TCF4: variants seen among roughly 807,000 people sequenced by gnomAD.
TCF4 encodes SL3-3 enhancer factor 2.
Under a neutral mutation model 82.1 loss-of-function variants are expected in TCF4, and 3 were observed. That is an observed-to-expected ratio of 0.04 (90% CI 0.02 to 0.09). The LOEUF (loss-of-function observed/expected upper bound fraction) is 0.09. Ranked by LOEUF, TCF4 falls within the 10% of genes least tolerant of loss-of-function variation. The pLI, the probability that TCF4 is intolerant of heterozygous loss-of-function variation, is 1.00. For synonymous variants in TCF4, 276 were observed against 309.6 expected (o/e 0.89, Z 1.14); for missense variants, 518 against 852.7 (o/e 0.61, Z 4.89).
chr18:55,442,105 TG>T (rs1265870120), intron 5 of TCF4, among the ~76,000 whole-genome samples: 7 of 152,200 alleles, frequency 4.6e-5, no homozygotes, highest in African/African-American at 1.7e-4. Context: ...ATGAACAATG[TG>T]CAAAATAGTC....
intron 3 of TCF4, among the ~76,000 whole-genome samples, chr18:55,584,654 A>G (rs2147837037): frequency 6.6e-6 from 1 of 152,248 alleles, no homozygotes; most frequent in African/African-American, 2.4e-5. Context: ...ATAAAACGTA[A>G]AAGTCCTTCC....
chr18:55,626,709 A>G (rs2097726839), intron 2 of TCF4, among the ~76,000 whole-genome samples: 1 of 152,222 alleles, frequency 6.6e-6, no homozygotes, highest in Non-Finnish European at 1.5e-5. Flanking sequence ...AATTTCAACA[A>G]GATATCTCTA....
At chr18:55,454,090 T>C (rs1248263750) in intron 5 of TCF4, among the ~76,000 whole-genome samples, 1 of 152,114 alleles carries the variant, frequency 6.6e-6, no homozygotes, top group Non-Finnish European at 1.5e-5. Flanking sequence ...CTCAAACACT[T>C]GGGCTCGAGC....
chr18:55,350,350 A>T lies in TCF4; in HGVS notation c.549+9T>A. ...AGCAATATACAAAGCAGAAACAAGC[A>T]GTACTTACTGAAGATGGCAAACCTG... is the stretch of plus-strand genomic sequence containing the variant. On this transcript the variant is annotated intron_variant, in intron 8 of 19. Transcript: ENST00000354452. 6.2e-7 allele frequency: 1 copy of T among 1,613,226 alleles called. No homozygotes were observed. Among genetic ancestry groups the T allele is most frequent in the South Asian group, 1.1e-5 (1 of 91,074 alleles).
At chr18:55,575,237 TAAGAG>T (rs1161735708) in intron 3 of TCF4, among the ~76,000 whole-genome samples, 1 of 152,176 alleles carries the variant, frequency 6.6e-6, no homozygotes, top group Non-Finnish European at 1.5e-5. Flanking sequence ...ACAGTGGCCA[TAAGAG>T]AACAGAAAAG....
At chr18:55,417,192 T>C (rs1454261249) in intron 5 of TCF4, among the ~76,000 whole-genome samples, 2 of 152,190 alleles carry the variant, frequency 1.3e-5, no homozygotes, top group Non-Finnish European at 2.9e-5. Flanking sequence ...CTGAATCCCT[T>C]TGATGAGACC....
chr18:55,492,102 T>A (rs1317371000), intron 3 of TCF4: 1 of 152,146 alleles, frequency 6.6e-6, no homozygotes, highest in Non-Finnish European at 1.5e-5. Context: ...TAGGGACCGG[T>A]TCCCCTTTAT....
chr18:55,559,885 A>G (rs2097339902), intron 3 of TCF4, among the ~76,000 whole-genome samples: 1 of 152,168 alleles, frequency 6.6e-6, no homozygotes, highest in Non-Finnish European at 1.5e-5. Flanking sequence ...TCCTGAAGCA[A>G]GAAAAAGAAG....
intron 3 of TCF4, among the ~76,000 whole-genome samples, chr18:55,565,996 C>T (rs1258505011): frequency 6.8e-6 from 1 of 147,804 alleles, no homozygotes; most frequent in African/African-American, 2.5e-5. Context: ...GTCAGGAGAT[C>T]GAGACCATCC....
chr18:55,350,790 G>C lies in TCF4; in HGVS notation c.499+84C>G, dbSNP rs899773577. On this transcript the variant is annotated intron_variant, in intron 7 of 19. Transcript: ENST00000354452. ...GTTTTCTTGGGGTGGGAGGTAGGAT[G>C]GGGGGGCGATATTTTAAAGAAAGAA... The C allele has an allele frequency of 1.7e-5, 27 of 1,583,484 alleles. No homozygotes were observed. In the Middle Eastern group the frequency reaches 5.5e-4, roughly 32 times the overall value.
intron 5 of TCF4, among the ~76,000 whole-genome samples, chr18:55,437,547 A>C (rs1349146457): frequency 6.6e-6 from 1 of 152,214 alleles, no homozygotes; most frequent in East Asian, 1.9e-4. Flanking sequence ...ACTTTTCCTG[A>C]GTGAAAAAGG....
chr18:55,570,675 A>G (rs1224343707), intron 3 of TCF4, among the ~76,000 whole-genome samples: 2 of 152,086 alleles, frequency 1.3e-5, no homozygotes, highest in Non-Finnish European at 2.9e-5. Context: ...TGAGCTCAGA[A>G]GTTCGAGACC....
chr18:55,597,192 A>T (rs755867330), intron 2 of TCF4, among the ~76,000 whole-genome samples: 1 of 152,130 alleles, frequency 6.6e-6, no homozygotes, highest in Non-Finnish European at 1.5e-5. Context: ...TTTTCTTCAT[A>T]AATTACCCAG....
At chr18:55,432,603 C>CA (rs1314337056) in intron 5 of TCF4, among the ~76,000 whole-genome samples, 2 of 152,162 alleles carry the variant, frequency 1.3e-5, no homozygotes, top group African/African-American at 4.8e-5. Context: ...AAAAAGTAAA[C>CA]AAACTAGATT....
intron 8 of TCF4, among the ~76,000 whole-genome samples, chr18:55,307,397 A>G (rs1328559714): frequency 2.0e-5 from 3 of 152,174 alleles, no homozygotes; most frequent in Non-Finnish European, 4.4e-5. Context: ...CTGCCCTCCA[A>G]GCCTGCATGA....
chr18:55,261,820 C>A (rs1178396191), intron 11 of TCF4, among the ~76,000 whole-genome samples: 3 of 152,152 alleles, frequency 2.0e-5, no homozygotes, highest in African/African-American at 4.8e-5. Context: ...AGCTATGTGA[C>A]GGTCATTGCT....
At chr18:55,385,052 C>G (rs989669496) in intron 6 of TCF4, among the ~76,000 whole-genome samples, 1 of 151,950 alleles carries the variant, frequency 6.6e-6, no homozygotes, top group Non-Finnish European at 1.5e-5. Context: ...TTTCTCTCTT[C>G]CTCTGCCCCC....
intron 6 of TCF4, among the ~76,000 whole-genome samples, chr18:55,399,920 ACACAC>A (rs1569371394): frequency 4.8e-4 from 71 of 148,748 alleles, no homozygotes; most frequent in African/African-American, 1.5e-3. Flanking sequence ...ACACACACAC[ACACAC>A]AATACTAAAA....
rs781150808 is a variant in TCF4, at chr18:55,293,931, C to CTTTTTTTTTTTTTTTTT, written c.550-14292_550-14276dup. ...TTTCATCTTCTAAACTTTCCAAGGA[C>CTTTTTTTTTTTTTTTTT]TTTTTTTTTTTTTTTTTTTTTTTTT... On this transcript the variant is annotated intron_variant, in intron 8 of 19. Coordinates refer to ENST00000354452, the MANE Select transcript of TCF4 (RefSeq NM_001083962.2). 5.0e-4 allele frequency among the ~76,000 whole-genome samples: 20 copies of CTTTTTTTTTTTTTTTTT among 40,052 alleles called. 6 individuals are homozygous for CTTTTTTTTTTTTTTTTT. The highest frequency in any genetic ancestry group is 1.5e-3 in the Admixed American group (3 of 1,984). The allele number at this position is 40,052 out of a possible 152,430, so 26.3% of individuals were successfully genotyped here.
Sources: allele counts gnomAD v4.1 joint callset (sites outside exome capture counted in the v4.1 genomes callset), GRCh38; gene constraint gnomAD v4.1.1; transcripts MANE v1.5; gene names NCBI Gene and HGNC (gene_info 2026-07-23, HGNC 2026-07-21).